PSD3: variants seen among roughly 807,000 people sequenced by gnomAD.
The protein encoded by PSD3 is pleckstrin and Sec7 domain containing 3, also known as PH and SEC7 domain-containing protein 3.
In PSD3, 49 loss-of-function variants were observed where a neutral mutation model predicts 105.5. The observed-to-expected ratio is 0.46, with a 90% CI of 0.37 to 0.59. The LOEUF is 0.59. PSD3 is among the 20% of genes least tolerant of loss of function. The pLI is 0.00. For synonymous variants in PSD3, 557 were observed against 457.8 expected (o/e 1.22, Z -2.77); for missense variants, 1,561 against 1,263.8 (o/e 1.24, Z -3.57).
intron 9 of PSD3, among the ~76,000 whole-genome samples, chr8:18,667,679 C>T (rs1013530989): frequency 1.3e-5 from 2 of 152,254 alleles, no homozygotes; most frequent in Admixed American, 6.5e-5. Context: ...CGTGTGCCTG[C>T]ACTCCTCAGC....
intron 2 of PSD3, among the ~76,000 whole-genome samples, chr8:18,889,207 C>T (rs186546561): frequency 1.1e-4 from 16 of 152,286 alleles, no homozygotes; most frequent in Admixed American, 7.8e-4. Flanking sequence ...AAAACATGCA[C>T]AAAAACAGCA....
intron 12 of PSD3, among the ~76,000 whole-genome samples, chr8:18,580,521 G>C (rs1472600763): frequency 6.6e-6 from 1 of 151,994 alleles, no homozygotes; most frequent in Non-Finnish European, 1.5e-5. Context: ...CTGTGTTCCA[G>C]CCTGGGTGAA....
intron 1 of PSD3, among the ~76,000 whole-genome samples, chr8:18,941,934 A>G (rs1403966616): frequency 6.6e-6 from 1 of 152,074 alleles, no homozygotes; most frequent in Non-Finnish European, 1.5e-5. Flanking sequence ...CGGCCTCCCA[A>G]AGTGCTGGGA....
chr8:18,832,192 A>G (rs995096815), intron 4 of PSD3, among the ~76,000 whole-genome samples: 4 of 152,220 alleles, frequency 2.6e-5, no homozygotes, highest in Non-Finnish European at 4.4e-5. Context: ...AGATGCTGTA[A>G]AAGCCCAGTG....
chr8:19,028,843 G>A (rs751801047), intron 1 of PSD3, among the ~76,000 whole-genome samples: 3 of 152,104 alleles, frequency 2.0e-5, no homozygotes, highest in Non-Finnish European at 2.9e-5. Context: ...GAGCCATTAT[G>A]TGTTAATCTT....
intron 6 of PSD3, among the ~76,000 whole-genome samples, chr8:18,802,984 T>C (rs1253440632): frequency 6.6e-6 from 1 of 152,154 alleles, no homozygotes; most frequent in African/African-American, 2.4e-5. Context: ...TTCCAAAGTA[T>C]CACCTTAAAA....
chr8:18,666,568 A>T (rs980372298), intron 9 of PSD3, among the ~76,000 whole-genome samples: 1 of 152,210 alleles, frequency 6.6e-6, no homozygotes, highest in Non-Finnish European at 1.5e-5. Flanking sequence ...AAAACAAACT[A>T]AGAGTTACAA....
At chr8:19,067,698 C>T (rs1433836547) in intron 1 of PSD3, among the ~76,000 whole-genome samples, 2 of 152,076 alleles carry the variant, frequency 1.3e-5, no homozygotes, top group African/African-American at 4.8e-5. Flanking sequence ...CTGCAGGGAG[C>T]CACAGCAGGG....
intron 9 of PSD3, among the ~76,000 whole-genome samples, chr8:18,747,155 G>A (rs1009502805): frequency 1.3e-5 from 2 of 152,180 alleles, no homozygotes; most frequent in Non-Finnish European, 2.9e-5. Context: ...TAATACTAAC[G>A]ATTTAAAAAT....
At chr8:19,005,118 C>A (rs2129474813) in intron 1 of PSD3, among the ~76,000 whole-genome samples, 1 of 152,166 alleles carries the variant, frequency 6.6e-6, no homozygotes, top group Admixed American at 6.5e-5. Context: ...GATACCACCT[C>A]ACACCCACTA....
intron 11 of PSD3, among the ~76,000 whole-genome samples, chr8:18,616,373 C>T (rs1031906411): frequency 6.6e-6 from 1 of 152,188 alleles, no homozygotes; most frequent in Non-Finnish European, 1.5e-5. Flanking sequence ...CTCTGCAAAG[C>T]TATCTTTTGT....
intron 1 of PSD3, among the ~76,000 whole-genome samples, chr8:18,996,112 T>C (rs138216169): frequency 1.3e-5 from 2 of 151,348 alleles, no homozygotes; most frequent in Middle Eastern, 3.4e-3. Context: ...ACCGGTTTCT[T>C]TAAATTCTTA....
intron 9 of PSD3, among the ~76,000 whole-genome samples, chr8:18,716,936 G>C (rs1356847321): frequency 6.6e-6 from 1 of 152,184 alleles, no homozygotes; most frequent in Non-Finnish European, 1.5e-5. Context: ...AGTAGCCAAA[G>C]GTAGCAGGCC....
chr8:18,923,468 T>C (rs1384115488), intron 2 of PSD3, among the ~76,000 whole-genome samples: 1 of 152,212 alleles, frequency 6.6e-6, no homozygotes, highest in Non-Finnish European at 1.5e-5. Flanking sequence ...CATAATGACA[T>C]CTGGCTCACC....
At chr8:18,770,739 G>A (rs1441715104) in intron 8 of PSD3, among the ~76,000 whole-genome samples, 1 of 152,220 alleles carries the variant, frequency 6.6e-6, no homozygotes, top group Non-Finnish European at 1.5e-5. Flanking sequence ...GTCTGCATAT[G>A]GCTTAAGTGT....
intron 8 of PSD3, among the ~76,000 whole-genome samples, chr8:18,795,234 G>A (rs17467874): frequency 1.3e-5 from 2 of 151,866 alleles, no homozygotes; most frequent in African/African-American, 4.8e-5. Context: ...TAGTAAGGTC[G>A]TGCCTGATCA....
At position 19,013,700 on chromosome 8, in the gene PSD3, T is replaced by A; in HGVS notation, c.-117A>T. On this transcript the variant is annotated 5_prime_UTR_variant, in exon 1 of 16. Coordinates refer to ENST00000327040, the MANE Select transcript of PSD3 (RefSeq NM_015310.4). ...GTGCTCTTTGTTGAGCTCCCGGGAC[T>A]GCCGAGAGGCGGCGGCCCGCGCGCA... is the stretch of plus-strand genomic sequence containing the variant. 1.1e-6 allele frequency: 1 copy of A among 921,930 alleles called. No homozygotes were observed. The highest frequency in any genetic ancestry group is 1.4e-6 in the Non-Finnish European group (1 of 728,158). 57.1% of individuals were successfully genotyped at this position (921,930 alleles called of 1,614,324 possible). A position where few individuals can be genotyped will look rare whatever the true frequency, so the allele number is the denominator to read the frequency against.
At chr8:18,592,447 G>A (rs1365434453) in intron 12 of PSD3, among the ~76,000 whole-genome samples, 1 of 152,090 alleles carries the variant, frequency 6.6e-6, no homozygotes, top group African/African-American at 2.4e-5. Context: ...AGGGCACAAA[G>A]CTTATTTACC....
intron 1 of PSD3, among the ~76,000 whole-genome samples, chr8:19,074,609 ATATTTTTTTTTTT>A (rs1563546613): frequency 0.02 from 248 of 12,178 alleles, 7 homozygotes; most frequent in African/African-American, 0.037. Context: ...ATATATATAT[ATATTTTTTTTTTT>A]TTTTTTTTTT....
Sources: gnomAD v4.1 joint callset for allele counts (sites outside exome capture counted in the v4.1 genomes callset) on GRCh38, gnomAD v4.1.1 for gene constraint, MANE v1.5 for transcripts, NCBI Gene and HGNC (gene_info 2026-07-23, HGNC 2026-07-21) for gene names.